TNS3: variants seen among roughly 807,000 people sequenced by gnomAD.
TNS3 encodes tensin 3, also known as tensin-3.
A neutral mutation model predicts 140.9 loss-of-function variants in TNS3; 45 were observed. The observed-to-expected ratio is 0.32, with a 90% confidence interval of 0.25 to 0.41. The LOEUF is 0.41. Ranked by LOEUF, TNS3 falls within the 10% of genes least tolerant of loss-of-function variation. The pLI is 1.00. For synonymous variants in TNS3, 815 were observed against 788.4 expected (o/e 1.03, Z -0.56); for missense variants, 1,716 against 1,906.7 (o/e 0.90, Z 1.86).
chr7:47,301,813 C>G (rs1204470568), intron 23 of TNS3, among the ~76,000 whole-genome samples: 1 of 152,148 alleles, frequency 6.6e-6, no homozygotes, highest in Non-Finnish European at 1.5e-5. Context: ...CTTCCTCACC[C>G]TGTCCTCTCT....
intron 1 of TNS3, among the ~76,000 whole-genome samples, chr7:47,545,453 T>TTTGATTTC (rs1368761072): frequency 4.1e-5 from 6 of 147,956 alleles, no homozygotes; most frequent in African/African-American, 1.6e-4. Flanking sequence ...GAAATCTCTG[T>TTTGATTTC]TACTGTTTGA....
intron 1 of TNS3, among the ~76,000 whole-genome samples, chr7:47,537,966 A>ACCCCCCCCCCCCCCCCCCCCCCC (rs113842617): frequency 1.6e-5 from 2 of 126,234 alleles, no homozygotes; most frequent in African/African-American, 6.0e-5. Context: ...CCCTCACCGC[A>ACCCCCCCCCCCCCCCCCCCCCCC]CCCCCCCCAC....
chr7:47,409,295 T>C (rs374561417), intron 13 of TNS3, among the ~76,000 whole-genome samples: 2 of 149,490 alleles, frequency 1.3e-5, no homozygotes, highest in East Asian at 2.0e-4. Context: ...AGGAAGACCC[T>C]GCAGCTACCA....
At chr7:47,330,273 G>A (rs142118811) in intron 20 of TNS3, among the ~76,000 whole-genome samples, 1 of 152,232 alleles carries the variant, frequency 6.6e-6, no homozygotes, top group Non-Finnish European at 1.5e-5. Context: ...CACCCCACCA[G>A]CCGGCAATGC....
At chr7:47,497,667 A>ACG (rs1257921417) in intron 3 of TNS3, among the ~76,000 whole-genome samples, 1 of 104,448 alleles carries the variant, frequency 9.6e-6, no homozygotes, top group African/African-American at 3.3e-5. Context: ...TATGGAACAC[A>ACG]CACACACACA....
chr7:47,570,825 C>CTTTT (rs3214808), intron 1 of TNS3, among the ~76,000 whole-genome samples: 1 of 147,386 alleles, frequency 6.8e-6, no homozygotes, highest in African/African-American at 2.5e-5. Context: ...TTTTTTCTTT[C>CTTTT]TTTTTTTTTT....
Position 47,295,303 on chromosome 7 carries a change from T to C in TNS3, c.3677-1475A>G, listed in dbSNP as rs1785944688. Among the ~76,000 whole-genome samples the C allele has an allele frequency of 2.0e-5, 3 of 152,234 alleles. No homozygotes were observed. The South Asian group carries it at 6.2e-4, about 32-fold the overall frequency. On this transcript the variant is annotated intron_variant, in intron 24 of 30. Coordinates refer to ENST00000311160, the MANE Select transcript of TNS3 (RefSeq NM_022748.12). ...AAAAAGATAATGCATGCAGAAATGT[T>C]ATTTGTCCTTGCTTTAAAACTTTAC...
chr7:47,289,499 C>T (rs1785587618), intron 27 of TNS3, among the ~76,000 whole-genome samples: 1 of 152,140 alleles, frequency 6.6e-6, no homozygotes, highest in Non-Finnish European at 1.5e-5. Flanking sequence ...ACGACTGCAT[C>T]TAATGCTGCA....
chr7:47,339,847 T>A (rs1051615959), intron 20 of TNS3, among the ~76,000 whole-genome samples: 7 of 151,746 alleles, frequency 4.6e-5, no homozygotes, highest in African/African-American at 1.7e-4. Flanking sequence ...TATTGAAATA[T>A]TCTGTGGTTT....
At chr7:47,288,962 C>G (rs1416502347) in intron 27 of TNS3, among the ~76,000 whole-genome samples, 1 of 152,162 alleles carries the variant, frequency 6.6e-6, no homozygotes, top group Non-Finnish European at 1.5e-5. Context: ...CATTTTGGAG[C>G]TTCGAGTTTT....
At chr7:47,426,640 G>C (rs1337791836) in intron 9 of TNS3, among the ~76,000 whole-genome samples, 3 of 152,172 alleles carry the variant, frequency 2.0e-5, no homozygotes, top group African/African-American at 7.2e-5. Flanking sequence ...CTGAGGCTTA[G>C]AGAGATTCAG....
chr7:47,369,063 T>A lies in TNS3; in HGVS notation c.1583A>T (p.Asn528Ile). 1 of 1,614,088 alleles carries A rather than the reference T, an allele frequency of 6.2e-7. No homozygotes were observed. Among genetic ancestry groups the A allele is most frequent in the Non-Finnish European group, 8.5e-7 (1 of 1,180,024 alleles). ...GGTGCCCTGCGGATCTTCACCAACG[T>A]TGCTGCCAAAACCGTCAGATAGGAG... ...NSLLSDGFGSNVGEDPQGTLV... is the reference protein window; with the variant it reads ...NSLLSDGFGSIVGEDPQGTLV... Residue 528 changes from asparagine to isoleucine, a missense_variant, in exon 17 of 31, where the codon AAC (asparagine) becomes ATC (isoleucine). Around this residue, in one of 3 missense-constraint regions of TNS3, gnomAD observed 1,163 missense variants for 1,182.1 expected, o/e 0.98. Transcript: ENST00000311160.
At chr7:47,479,004 G>A (rs982384723) in intron 4 of TNS3, among the ~76,000 whole-genome samples, 4 of 152,124 alleles carry the variant, frequency 2.6e-5, no homozygotes, top group Admixed American at 6.6e-5. Flanking sequence ...CTAGAAGAGC[G>A]AGATCTCTTA....
At chr7:47,287,891 C>G (rs1014540792) in intron 27 of TNS3, among the ~76,000 whole-genome samples, 1 of 152,022 alleles carries the variant, frequency 6.6e-6, no homozygotes, top group Non-Finnish European at 1.5e-5. Context: ...GAAGACCCAC[C>G]CTTAAAAAAC....
rs780052637 is a variant in TNS3 at position 47,345,057 on chromosome 7, G to A, written c.2452-19C>T. 26 of 1,601,254 alleles carry A rather than the reference G, an allele frequency of 1.6e-5. No individual in the cohort carries two copies. In the Admixed American group the frequency reaches 3.8e-4, roughly 24 times the overall value. On this transcript the variant is annotated intron_variant, in intron 18 of 30. Coordinates refer to ENST00000311160, the MANE Select transcript of TNS3 (RefSeq NM_022748.12). ...TCATCGTCTGAAATTGGCACAGGGA[G>A]TAGAATGTGAGAACAGGGAGTCAAG...
intron 1 of TNS3, among the ~76,000 whole-genome samples, chr7:47,578,568 G>C (rs958658421): frequency 6.6e-6 from 1 of 151,638 alleles, no homozygotes; most frequent in South Asian, 2.1e-4. Context: ...TTGGGGGGGG[G>C]CGGTGGTTAG....
intron 16 of TNS3, among the ~76,000 whole-genome samples, chr7:47,380,761 C>A (rs1417684907): frequency 6.6e-6 from 1 of 151,286 alleles, no homozygotes; most frequent in Non-Finnish European, 1.5e-5. Flanking sequence ...TACACATATG[C>A]ACGCGCGCGC....
At chr7:47,451,432 T>A (rs1024705761) in intron 4 of TNS3, among the ~76,000 whole-genome samples, 7 of 152,066 alleles carry the variant, frequency 4.6e-5, no homozygotes, top group Non-Finnish European at 1.0e-4. Context: ...ATACAAAAAA[T>A]TAGCCGGGCG....
At position 47,329,147 on chromosome 7, in the gene TNS3, G is replaced by A. The variant is rs75639736; in HGVS notation, c.2650+15608C>T. ...ACCCAGTCCACATGGCAGAACATAG[G>A]GGCCTGTCATGTGTCTGGGCCTTAG... On this transcript the variant is annotated intron_variant, in intron 20 of 30. Coordinates refer to ENST00000311160, the MANE Select transcript of TNS3 (RefSeq NM_022748.12). Among the ~76,000 whole-genome samples, 933 of 152,226 alleles carry A rather than the reference G, an allele frequency of 6.1e-3. 13 individuals carry two copies. Among genetic ancestry groups the A allele is most frequent in the African/African-American group, 0.021 (892 of 41,538 alleles).
Sources: allele counts gnomAD v4.1 joint callset (sites outside exome capture counted in the v4.1 genomes callset), GRCh38; gene constraint gnomAD v4.1.1; regional missense constraint gnomAD v4.1.1; transcripts MANE v1.5; gene names NCBI Gene and HGNC (gene_info 2026-07-23, HGNC 2026-07-21).